Variants in CCDC171 observed in about 807,000 individuals in gnomAD.
CCDC171 encodes the protein coiled-coil domain containing 171, also known as coiled-coil domain-containing protein 171.
Under a neutral mutation model 168.2 loss-of-function variants are expected in CCDC171, and 177 were observed. The ratio of observed to expected loss-of-function variants is 1.05; its 90% CI spans 0.93 to 1.19. CCDC171 has a LOEUF of 1.19. Ranked by LOEUF, CCDC171 falls within the 50% of genes most tolerant of loss-of-function variation. The pLI is 0.00. For missense variants in CCDC171, 1,991 were observed against 1,539.0 expected, an observed-to-expected ratio of 1.29 and a Z score of -4.91; for synonymous variants, 687 against 540.8, an observed-to-expected ratio of 1.27 and a Z score of -3.75.
At chr9:15,762,501 A>G (rs573167096) in intron 18 of CCDC171, among the ~76,000 whole-genome samples, 2 of 152,336 alleles carry the variant, frequency 1.3e-5, no homozygotes, top group South Asian at 4.1e-4. Flanking sequence ...GTTATTAAAG[A>G]AAAATCACAA....
chr9:15,984,819 G>A (rs1831933284), intron 3 of CCDC171, among the ~76,000 whole-genome samples: 1 of 152,066 alleles, frequency 6.6e-6, no homozygotes, highest in East Asian at 1.9e-4. Flanking sequence ...GAGCAGAAAT[G>A]GGTCAATTCT....
intron 9 of CCDC171, among the ~76,000 whole-genome samples, chr9:15,666,816 A>C (rs549884641): frequency 1.3e-5 from 2 of 152,318 alleles, no homozygotes; most frequent in East Asian, 3.9e-4. Flanking sequence ...TCTAAGTCAC[A>C]TAAAATGGTC....
At chr9:15,844,489 A>C (rs561491244) in intron 21 of CCDC171, among the ~76,000 whole-genome samples, 1 of 151,984 alleles carries the variant, frequency 6.6e-6, no homozygotes, top group East Asian at 1.9e-4. Flanking sequence ...CAATCTTAGG[A>C]CCCACTGATG....
intron 4 of CCDC171, chr9:15,588,422 G>A (rs1018878757): frequency 4.8e-5 from 14 of 294,126 alleles, no homozygotes; most frequent in Non-Finnish European, 9.8e-5. Context: ...AGATCTGCAA[G>A]GTTGTCTGCT....
At chr9:15,747,904 G>A (rs983993394) in intron 18 of CCDC171, among the ~76,000 whole-genome samples, 6 of 152,150 alleles carry the variant, frequency 3.9e-5, no homozygotes. Context: ...TGACTTTGAC[G>A]AGTTGACAGA....
intron 24 of CCDC171, among the ~76,000 whole-genome samples, chr9:15,918,548 C>T (rs1824869357): frequency 6.6e-6 from 1 of 151,486 alleles, no homozygotes; most frequent in Non-Finnish European, 1.5e-5. Context: ...ATTCAAGTTT[C>T]TGATTTTCAC....
chr9:15,716,747 C>G (rs2053117137), intron 11 of CCDC171, among the ~76,000 whole-genome samples: 1 of 152,126 alleles, frequency 6.6e-6, no homozygotes, highest in Non-Finnish European at 1.5e-5. Flanking sequence ...ACTTTTATAA[C>G]AAACCTACTT....
chr9:16,014,455 T>G (rs1331659564), intron 3 of CCDC171, among the ~76,000 whole-genome samples: 1 of 152,224 alleles, frequency 6.6e-6, no homozygotes, highest in African/African-American at 2.4e-5. Context: ...TGTTGATATT[T>G]TGACCTCCAC....
chr9:15,681,519 A>G (rs1182784653), intron 10 of CCDC171, among the ~76,000 whole-genome samples: 1 of 152,008 alleles, frequency 6.6e-6, no homozygotes, highest in Non-Finnish European at 1.5e-5. Flanking sequence ...TCTTTACCTG[A>G]CCATAATATG....
the CCDC171 span, among the ~76,000 whole-genome samples, chr9:16,092,854 G>A: frequency 2.0e-5 from 3 of 152,170 alleles, no homozygotes; most frequent in Admixed American, 6.5e-5. Context: ...GTGGGTGGGA[G>A]CTGGCTGAAG....
At chr9:15,784,748 C>T (rs1455166336) in intron 21 of CCDC171, 54 bp downstream of exon 21, 2 of 1,321,540 alleles carry the variant, frequency 1.5e-6, no homozygotes, top group South Asian at 1.3e-5. Flanking sequence ...ATGTGTGGAT[C>T]TTAGAGGGAA....
At chr9:16,106,781 A>G in the CCDC171 span, among the ~76,000 whole-genome samples, 1 of 152,208 alleles carries the variant, frequency 6.6e-6, no homozygotes, top group African/African-American at 2.4e-5. Flanking sequence ...ATGCTAGAGA[A>G]TTTAATCTTC....
At chr9:16,043,538 A>G (rs1359443409) in intron 1 of CCDC171, among the ~76,000 whole-genome samples, 1 of 152,188 alleles carries the variant, frequency 6.6e-6, no homozygotes, top group East Asian at 1.9e-4. Context: ...CCCCACCACA[A>G]TATTTGTTTT....
intron 3 of CCDC171, among the ~76,000 whole-genome samples, chr9:16,018,779 G>A (rs1383433934): frequency 1.3e-5 from 2 of 152,180 alleles, no homozygotes; most frequent in South Asian, 4.1e-4. Flanking sequence ...GAAAGTTGCT[G>A]ATACCCAAGG....
intron 16 of CCDC171, among the ~76,000 whole-genome samples, chr9:15,731,187 T>G (rs180927636): frequency 5.7e-4 from 86 of 152,202 alleles, no homozygotes; most frequent in African/African-American, 1.9e-3. Flanking sequence ...AACTGTATTA[T>G]TGTACCCTTT....
At chr9:16,049,294 T>C (rs1833714037) in intron 1 of CCDC171, among the ~76,000 whole-genome samples, 1 of 152,178 alleles carries the variant, frequency 6.6e-6, no homozygotes, top group Non-Finnish European at 1.5e-5. Context: ...AGGGGTAGAA[T>C]TGTGGACTTA....
intron 3 of CCDC171, among the ~76,000 whole-genome samples, chr9:16,010,316 T>G (rs147335593): frequency 0.012 from 1,811 of 152,250 alleles, 38 homozygotes; most frequent in African/African-American, 0.041. Context: ...AAATAAAAAC[T>G]TCTTGGACTG....
chr9:15,748,334 A>G (rs977365689), intron 18 of CCDC171, among the ~76,000 whole-genome samples: 4 of 152,188 alleles, frequency 2.6e-5, no homozygotes, highest in Admixed American at 2.6e-4. Context: ...GAAAAGACCA[A>G]ATCTGTGTTT....
At chr9:15,649,327 C>A (rs560832900) in intron 7 of CCDC171, among the ~76,000 whole-genome samples, 1 of 152,312 alleles carries the variant, frequency 6.6e-6, no homozygotes, top group Non-Finnish European at 1.5e-5. Context: ...CCATTCAGGA[C>A]ATAGGCATGG....
Sources: allele counts gnomAD v4.1 joint callset (sites outside exome capture counted in the v4.1 genomes callset), GRCh38; gene constraint gnomAD v4.1.1; transcripts MANE v1.5; gene names NCBI Gene and HGNC (gene_info 2026-07-23, HGNC 2026-07-21).